EML1: variants seen among roughly 807,000 people sequenced by gnomAD.
The protein encoded by EML1 is echinoderm microtubule-associated protein-like 1.
EML1 carries 27 observed loss-of-function variants against 110.4 expected under a neutral mutation model. That is an observed-to-expected ratio of 0.24 (90% CI 0.18 to 0.34). EML1 has a LOEUF of 0.34. Among genes scored for constraint, EML1 ranks in the 10% least tolerant of loss-of-function variants. The pLI is 1.00. For missense variants in EML1, 741 were observed against 1,030.9 expected (o/e 0.72, Z 3.85); for synonymous variants, 344 against 385.8 (o/e 0.89, Z 1.27).
chr14:99,797,792 C>T (rs1046847179), intron 1 of EML1, among the ~76,000 whole-genome samples: 1 of 152,194 alleles, frequency 6.6e-6, no homozygotes, highest in Non-Finnish European at 1.5e-5. Context: ...GGTTTACTTT[C>T]TTAAGCCTTT....
At chr14:99,737,773 C>G in exon 1 of EML1, 1 of 1,287,084 alleles carries the variant, frequency 7.8e-7, no homozygotes, top group Non-Finnish European at 1.0e-6. Context: ...GGGTGACAGC[C>G]GCTGAGGCTC....
intron 4 of EML1, among the ~76,000 whole-genome samples, chr14:99,890,933 TC>T (rs929832978): frequency 2.7e-4 from 41 of 152,172 alleles, no homozygotes; most frequent in African/African-American, 9.7e-4. Context: ...CATTTTTTCC[TC>T]CCCGAAACAC....
At chr14:99,916,126 T>C (rs1370604357) in intron 15 of EML1, among the ~76,000 whole-genome samples, 1 of 152,222 alleles carries the variant, frequency 6.6e-6, no homozygotes, top group Non-Finnish European at 1.5e-5. Flanking sequence ...CTGTTAATCA[T>C]TTAGCCTAAC....
chr14:99,936,466 C>T lies in EML1; in HGVS notation c.2095+132C>T, dbSNP rs528525634. On this transcript the variant is annotated intron_variant, in intron 19 of 21. Coordinates refer to ENST00000262233, the MANE Select transcript of EML1 (RefSeq NM_004434.3). The surrounding 1 kb of genome is among the most constrained non-coding windows in gnomAD (Gnocchi z 5.5). The stretch of plus-strand genomic sequence containing the variant: ...GCCATCATCTCTAGGTCATGGTTTC[C>T]GCCTCTGTAACGTAGGGGAGTGGGG... 513 of 821,050 alleles carry T rather than the reference C, an allele frequency of 6.2e-4. No individual in the cohort carries two copies. The African/African-American group carries it at 8.0e-3, about 13-fold the overall frequency. The allele number at this position is 821,050 out of a possible 1,614,324, so 50.9% of individuals were successfully genotyped here. A position where few individuals can be genotyped will look rare whatever the true frequency, so the allele number is the denominator to read the frequency against.
intron 1 of EML1, among the ~76,000 whole-genome samples, chr14:99,785,765 AG>A (rs35380647): frequency 0.011 from 1,699 of 152,278 alleles, 6 homozygotes; most frequent in Admixed American, 0.016. Context: ...AGCAACGGAG[AG>A]GCTCCTTCAC....
chr14:99,935,781 CAAAA>C (rs1160100015), intron 17 of EML1, among the ~76,000 whole-genome samples: 2 of 83,712 alleles, frequency 2.4e-5, no homozygotes, highest in African/African-American at 9.7e-5. Flanking sequence ...GACTCCGTCT[CAAAA>C]AAAAAAAAAA....
chr14:99,753,418 G>A (rs936796618), intron 1 of EML1, among the ~76,000 whole-genome samples: 16 of 151,744 alleles, frequency 1.1e-4, no homozygotes, highest in South Asian at 6.3e-4. Context: ...CCCAGGACCC[G>A]CCCTCACCTC....
chr14:99,852,351 A>G lies in EML1; in HGVS notation c.250+1316A>G, dbSNP rs187323609. Among the ~76,000 whole-genome samples the G allele has an allele frequency of 2.4e-4, 36 of 152,348 alleles. 1 individual carries two copies. Among genetic ancestry groups the G allele is most frequent in the African/African-American group, 8.2e-4 (34 of 41,576 alleles). ...TTTCATTGGCTGGGCACAGTGGCAC[A>G]CGCCTGTAATCCCAGCACTTTGGAA... is the stretch of plus-strand genomic sequence containing the variant. On this transcript the variant is annotated intron_variant, in intron 2 of 21. Transcript: ENST00000262233.
At chr14:99,841,976 G>A (rs1309297421) in intron 1 of EML1, among the ~76,000 whole-genome samples, 1 of 152,196 alleles carries the variant, frequency 6.6e-6, no homozygotes, top group African/African-American at 2.4e-5. Flanking sequence ...AGAGAATATT[G>A]TCTTCTTCAA....
chr14:99,932,757 A>T (rs887971958), intron 17 of EML1, among the ~76,000 whole-genome samples: 1 of 151,990 alleles, frequency 6.6e-6, no homozygotes, highest in African/African-American at 2.4e-5. Context: ...AAATTGTGGG[A>T]TGATGTTGTA....
chr14:99,893,006 G>GC (rs1273807133), intron 5 of EML1, among the ~76,000 whole-genome samples: 1 of 139,442 alleles, frequency 7.2e-6, no homozygotes, highest in African/African-American at 2.9e-5. Flanking sequence ...TAGCCACACA[G>GC]CCCCTGATGA....
Position 99,940,188 on chromosome 14 carries a change from C to A in EML1, c.*76C>A. ...GCATTACCCTTGGTCACTGTGATTT[C>A]TGTTTTGTTTAAAAAATTCTTACAA... is the stretch of plus-strand genomic sequence containing the variant. On this transcript the variant is annotated 3_prime_UTR_variant, in exon 22 of 22. Coordinates refer to ENST00000262233, the MANE Select transcript of EML1 (RefSeq NM_004434.3). The A allele has an allele frequency of 7.3e-7, 1 of 1,376,460 alleles. No homozygotes were observed. The highest frequency in any genetic ancestry group is 3.6e-5 in the Admixed American group (1 of 28,022). The allele number at this position is 1,376,460 out of a possible 1,614,324, so 85.3% of individuals were successfully genotyped here.
upstream of EML1, among the ~76,000 whole-genome samples, chr14:99,789,728 C>T (rs761382781): frequency 6.6e-6 from 1 of 152,212 alleles, no homozygotes; most frequent in Non-Finnish European, 1.5e-5. Context: ...TGAATAAAGG[C>T]TACAGAGCTT....
chr14:99,863,028 A>G (rs2059027695), intron 2 of EML1, among the ~76,000 whole-genome samples: 1 of 152,176 alleles, frequency 6.6e-6, no homozygotes, highest in African/African-American at 2.4e-5. Flanking sequence ...CTAGTGGCAC[A>G]TGGTTCATTC....
intron 1 of EML1, among the ~76,000 whole-genome samples, chr14:99,761,227 T>A (rs1223276441): frequency 6.6e-6 from 1 of 152,134 alleles, no homozygotes; most frequent in East Asian, 1.9e-4. Context: ...TCAGGCTGAC[T>A]CTGGAGACTG....
chr14:99,842,141 T>G (rs2058643833), intron 1 of EML1, among the ~76,000 whole-genome samples: 1 of 152,220 alleles, frequency 6.6e-6, no homozygotes, highest in Admixed American at 6.5e-5. Flanking sequence ...AATAAGTTGT[T>G]AAAGTTTTAT....
chr14:99,742,587 G>T (rs2057055096), intron 1 of EML1, among the ~76,000 whole-genome samples: 1 of 152,124 alleles, frequency 6.6e-6, no homozygotes, highest in African/African-American at 2.4e-5. Flanking sequence ...TGCAGTGGAG[G>T]CTGAGCCTGA....
intron 1 of EML1, among the ~76,000 whole-genome samples, chr14:99,747,013 C>T (rs765929761): frequency 1.3e-5 from 2 of 151,912 alleles, no homozygotes; most frequent in Non-Finnish European, 2.9e-5. Context: ...GGCCAGATAC[C>T]CAGGATAAGC....
chr14:99,911,556 C>G lies in EML1; in HGVS notation c.1474C>G (p.Gln492Glu). Reference sequence around the variant, plus strand: ...GCTCATTTCTTGGAGCGGAAACTATCAAAAACTTCGTAAAACGGAGGTAAG... The same window carrying G: ...GCTCATTTCTTGGAGCGGAAACTATGAAAAACTTCGTAAAACGGAGGTAAG... ...RKLISWSGNY[Q>E]KLRKTEIPEQ... Residue 492 changes from glutamine (Q) to glutamate (E), a missense_variant, in exon 13 of 22, where the codon CAA becomes GAA. Around this residue, in one of 4 missense-constraint regions of EML1, gnomAD observed 388 missense variants for 605.6 expected, o/e 0.64. Transcript: ENST00000262233. 2 of 1,612,476 alleles carry G rather than the reference C, an allele frequency of 1.2e-6. No homozygotes were observed. Among genetic ancestry groups the G allele is most frequent in the Non-Finnish European group, 1.7e-6 (2 of 1,179,716 alleles).
Sources: gnomAD v4.1 joint callset for allele counts (sites outside exome capture counted in the v4.1 genomes callset) on GRCh38, gnomAD v4.1.1 for gene constraint, gnomAD v4.1.1 regional missense constraint, Gnocchi (gnomAD v3.1) non-coding constraint, MANE v1.5 for transcripts, NCBI Gene and HGNC (gene_info 2026-07-23, HGNC 2026-07-21) for gene names.